The following BMERB1 variants were observed in gnomAD, a reference collection of about 807,000 sequenced individuals.
BMERB1 encodes the protein bMERB domain containing 1.
BMERB1 carries 12 observed loss-of-function variants against 23.6 expected under a neutral mutation model. The observed-to-expected ratio is 0.51, with a 90% CI of 0.33 to 0.82. The LOEUF is 0.82. BMERB1 is among the 40% of genes least tolerant of loss of function. The pLI is 0.03. For synonymous variants in BMERB1, 122 were observed against 96.6 expected (o/e 1.26, Z -1.54); for missense variants, 247 against 255.4 (o/e 0.97, Z 0.22).
intron 1 of BMERB1, among the ~76,000 whole-genome samples, chr16:15,468,636 T>C (rs1277805498): frequency 6.6e-6 from 1 of 152,086 alleles, no homozygotes; most frequent in Admixed American, 6.6e-5. Context: ...TAGAATTTTG[T>C]TTTTGGTTTA....
At chr16:15,506,427 C>T (rs1037453556) in intron 1 of BMERB1, among the ~76,000 whole-genome samples, 4 of 152,174 alleles carry the variant, frequency 2.6e-5, no homozygotes, top group African/African-American at 9.7e-5. Context: ...CTGCCTCAGC[C>T]TCCCAAAGTG....
chr16:15,440,106 G>A (rs367912099), intron 1 of BMERB1, among the ~76,000 whole-genome samples: 8 of 151,898 alleles, frequency 5.3e-5, no homozygotes, highest in African/African-American at 1.7e-4. Flanking sequence ...TTAGCCAGGC[G>A]TGGTGATGGG....
intron 1 of BMERB1, among the ~76,000 whole-genome samples, chr16:15,436,721 C>T (rs977019434): frequency 1.3e-5 from 2 of 152,000 alleles, no homozygotes; most frequent in African/African-American, 4.8e-5. Flanking sequence ...TGGTAACCAT[C>T]ATTCTACTCT....
intron 3 of BMERB1, 144 bp from the exon 4 acceptor site, chr16:15,581,073 C>G: frequency 1.7e-6 from 1 of 595,818 alleles, no homozygotes; most frequent in African/African-American, 1.9e-5. Context: ...GCCACCACGC[C>G]TGGCTAATTT....
chr16:15,474,677 G>A (rs2051260548), intron 1 of BMERB1, among the ~76,000 whole-genome samples: 2 of 151,788 alleles, frequency 1.3e-5, no homozygotes, highest in Non-Finnish European at 2.9e-5. Flanking sequence ...ACTGTGCCTG[G>A]CCTTTCTCTT....
chr16:15,525,318 A>G (rs2051895517), intron 2 of BMERB1, among the ~76,000 whole-genome samples: 1 of 152,156 alleles, frequency 6.6e-6, no homozygotes, highest in Non-Finnish European at 1.5e-5. Flanking sequence ...ACTGGAACTT[A>G]ACACCGTCAG....
chr16:15,443,003 T>A (rs1358871300), intron 1 of BMERB1, among the ~76,000 whole-genome samples: 1 of 152,158 alleles, frequency 6.6e-6, no homozygotes, highest in Non-Finnish European at 1.5e-5. Context: ...ATCCCAGCAC[T>A]TTGGGAGGCC....
chr16:15,543,456 C>G (rs2052105020), intron 2 of BMERB1, among the ~76,000 whole-genome samples: 1 of 152,122 alleles, frequency 6.6e-6, no homozygotes, highest in Non-Finnish European at 1.5e-5. Context: ...CCTTCTGCCG[C>G]CTGTCCGTAT....
intron 1 of BMERB1, among the ~76,000 whole-genome samples, chr16:15,461,366 A>T (rs139047955): frequency 4.7e-4 from 72 of 152,126 alleles, no homozygotes; most frequent in Non-Finnish European, 8.1e-4. Context: ...TATCAATAAA[A>T]CATACTTTGC....
At position 15,512,981 on chromosome 16, in the gene BMERB1, C is replaced by T. The variant is rs191956902; in HGVS notation, c.107-2324C>T. On this transcript the variant is annotated intron_variant, in intron 1 of 5. Transcript: ENST00000300006. ...CCTTGAGTATAAGGAAAAAGACAGACGCCCTTGTAGAACTGAGGTGTGGGG... is the reference window on the plus strand; with the variant it reads ...CCTTGAGTATAAGGAAAAAGACAGATGCCCTTGTAGAACTGAGGTGTGGGG... 6.6e-5 allele frequency among the ~76,000 whole-genome samples: 10 copies of T among 152,112 alleles called. 1 individual carries two copies. The East Asian group carries it at 9.7e-4, about 15-fold the overall frequency.
intron 1 of BMERB1, among the ~76,000 whole-genome samples, chr16:15,480,012 A>T (rs1370786955): frequency 6.8e-6 from 1 of 146,928 alleles, no homozygotes; most frequent in Non-Finnish European, 1.5e-5. Context: ...ATATATATAT[A>T]ATATATATAT....
At chr16:15,438,463 TA>T (rs201258085) in intron 1 of BMERB1, among the ~76,000 whole-genome samples, 3,267 of 113,358 alleles carry the variant, frequency 0.029, 154 homozygotes, top group African/African-American at 0.082. Context: ...TTTTCTAGAC[TA>T]TTTTTTTTTT....
chr16:15,468,162 T>TTTTTTTTTTTTTTTTTTTC (rs57267276), intron 1 of BMERB1, among the ~76,000 whole-genome samples: 8 of 64,530 alleles, frequency 1.2e-4, no homozygotes, highest in Non-Finnish European at 1.9e-4. Flanking sequence ...TTTTTTTTTT[T>TTTTTTTTTTTTTTTTTTTC]TGAGGCAGGG....
intron 1 of BMERB1, among the ~76,000 whole-genome samples, chr16:15,491,832 G>A (rs1382570992): frequency 6.6e-6 from 1 of 152,172 alleles, no homozygotes; most frequent in Non-Finnish European, 1.5e-5. Context: ...GCTATCTGGA[G>A]GAGTCCCCGG....
rs1337656831 is a variant in BMERB1 at position 15,578,261 on chromosome 16, G to C, written c.305-2956G>C. On this transcript the variant is annotated intron_variant, in intron 3 of 5. Transcript: ENST00000300006. Reference sequence around the variant, plus strand: ...TTTTTTTTCTAAAAGACAGGGTCTGGCTGTGTTGCCCAGGCTGGTCTAGAA... The same window carrying C: ...TTTTTTTTCTAAAAGACAGGGTCTGCCTGTGTTGCCCAGGCTGGTCTAGAA... Among the ~76,000 whole-genome samples, 5 of 149,204 alleles carry C rather than the reference G, an allele frequency of 3.4e-5. No individual in the cohort carries two copies. In the East Asian group the frequency reaches 9.8e-4, roughly 29 times the overall value.
chr16:15,547,294 A>G (rs12708798), intron 2 of BMERB1, among the ~76,000 whole-genome samples: 52,858 of 151,012 alleles, frequency 0.35, 11,699 homozygotes, highest in African/African-American at 0.61. Flanking sequence ...TTGTACAGGC[A>G]TGAGCCACCA....
At chr16:15,547,971 T>G (rs973030390) in intron 2 of BMERB1, among the ~76,000 whole-genome samples, 33 of 152,178 alleles carry the variant, frequency 2.2e-4, no homozygotes, top group Non-Finnish European at 8.8e-5. Context: ...GAAGCACTTC[T>G]TAGTGTATAA....
chr16:15,527,394 C>T (rs1286969710), intron 2 of BMERB1, among the ~76,000 whole-genome samples: 4 of 152,184 alleles, frequency 2.6e-5, no homozygotes. Context: ...CGCCTGAGCT[C>T]AGGAGTTCGA....
At chr16:15,507,878 G>A (rs189964904) in intron 1 of BMERB1, among the ~76,000 whole-genome samples, 14 of 152,262 alleles carry the variant, frequency 9.2e-5, no homozygotes, top group African/African-American at 3.4e-4. Flanking sequence ...GGAGGTGGAG[G>A]CAGGGAATTG....
Sources: allele counts gnomAD v4.1 joint callset (sites outside exome capture counted in the v4.1 genomes callset), GRCh38; gene constraint gnomAD v4.1.1; transcripts MANE v1.5; gene names NCBI Gene and HGNC (gene_info 2026-07-23, HGNC 2026-07-21).